CADM2: variants seen among roughly 807,000 people sequenced by gnomAD.
CADM2 encodes the protein immunoglobulin superfamily member 4D.
In CADM2, 12 loss-of-function variants were observed where a neutral mutation model predicts 49.8. The observed-to-expected ratio is 0.24, with a 90% CI of 0.15 to 0.39. The LOEUF (loss-of-function observed/expected upper bound fraction) is 0.39, where lower values mean the gene tolerates loss of function less well. Among genes scored for constraint, CADM2 ranks in the 10% least tolerant of loss-of-function variants. CADM2 has a pLI of 1.00. For missense variants in CADM2, 378 were observed against 492.3 expected, an observed-to-expected ratio of 0.77 and a Z score of 2.20; for synonymous variants, 214 against 175.4, an observed-to-expected ratio of 1.22 and a Z score of -1.74.
intron 1 of CADM2, among the ~76,000 whole-genome samples, chr3:85,622,171 C>G (rs2063997382): frequency 1.3e-5 from 2 of 152,104 alleles, no homozygotes; most frequent in South Asian, 4.2e-4. Context: ...TCACCACCAC[C>G]ATAAATGGTG....
intron 1 of CADM2, among the ~76,000 whole-genome samples, chr3:85,283,286 T>C (rs1312900416): frequency 2.0e-5 from 3 of 151,886 alleles, no homozygotes; most frequent in Non-Finnish European, 4.4e-5. Flanking sequence ...TCATGTTTAT[T>C]AATATTGGTA....
At chr3:85,060,365 G>A (rs2036260021) in intron 1 of CADM2, among the ~76,000 whole-genome samples, 1 of 151,942 alleles carries the variant, frequency 6.6e-6, no homozygotes, top group Admixed American at 6.6e-5. Flanking sequence ...GACCTCAGGT[G>A]ATCCACCCGC....
At chr3:85,470,096 T>C (rs976428733) in intron 1 of CADM2, among the ~76,000 whole-genome samples, 1 of 152,186 alleles carries the variant, frequency 6.6e-6, no homozygotes, top group Non-Finnish European at 1.5e-5. Context: ...TTGATTTACC[T>C]TCAGGTGTCC....
At chr3:85,199,359 G>A (rs2041426012) in intron 1 of CADM2, among the ~76,000 whole-genome samples, 1 of 148,452 alleles carries the variant, frequency 6.7e-6, no homozygotes, top group African/African-American at 2.6e-5. Flanking sequence ...GTGTGTGTGT[G>A]TGTGTGTGTA....
intron 1 of CADM2, among the ~76,000 whole-genome samples, chr3:85,443,665 C>G (rs1219009302): frequency 1.3e-5 from 2 of 152,188 alleles, no homozygotes; most frequent in Non-Finnish European, 2.9e-5. Flanking sequence ...CAACCTACCT[C>G]CATGTCTTGA....
chr3:86,014,006 T>C, intron 8 of CADM2: 1 of 1,419,522 alleles, frequency 7.0e-7, no homozygotes, highest in Admixed American at 2.2e-5. Context: ...AAGTTTGTTC[T>C]TTTTTCCCTT....
intron 1 of CADM2, among the ~76,000 whole-genome samples, chr3:85,718,331 G>A (rs913101861): frequency 1.3e-5 from 2 of 152,128 alleles, no homozygotes; most frequent in African/African-American, 2.4e-5. Flanking sequence ...GATTGCCCGT[G>A]TACTTTAGTT....
chr3:85,162,783 A>G (rs947468997), intron 1 of CADM2, among the ~76,000 whole-genome samples: 1 of 152,002 alleles, frequency 6.6e-6, no homozygotes, highest in South Asian at 2.1e-4. Flanking sequence ...CAACAGAAAT[A>G]TTTTCTACAA....
intron 8 of CADM2, among the ~76,000 whole-genome samples, chr3:86,056,531 T>C (rs1738012409): frequency 6.6e-6 from 1 of 152,170 alleles, no homozygotes; most frequent in South Asian, 2.1e-4. Flanking sequence ...TGTGAAATAA[T>C]TAGGATGTCT....
rs989866252 is a variant in CADM2 at position 85,641,647 on chromosome 3, C to A, written c.62-84875C>A. Among the ~76,000 whole-genome samples the A allele has an allele frequency of 4.6e-5, 7 of 151,950 alleles. 1 individual carries two copies. The highest frequency in any genetic ancestry group is 2.0e-4 in the Admixed American group (3 of 15,264). On this transcript the variant is annotated intron_variant, in intron 1 of 9. Transcript: ENST00000383699. The stretch of plus-strand genomic sequence containing the variant: ...AGGTTAGAATGTAGGCATGAATGGG[C>A]CGGGCACGGTGGCTCATGCCTGTAA...
chr3:85,737,467 A>G (rs530253468), intron 2 of CADM2, among the ~76,000 whole-genome samples: 1 of 152,302 alleles, frequency 6.6e-6, no homozygotes, highest in Non-Finnish European at 1.5e-5. Context: ...CTTGATTATC[A>G]TGCAATACAA....
At chr3:85,802,413 T>C (rs554969609) in intron 3 of CADM2, among the ~76,000 whole-genome samples, 4 of 152,284 alleles carry the variant, frequency 2.6e-5, no homozygotes, top group Admixed American at 2.6e-4. Context: ...CTCATAATTC[T>C]GTTTCGAAAA....
At chr3:85,721,175 T>A (rs2067489847) in intron 1 of CADM2, among the ~76,000 whole-genome samples, 1 of 152,200 alleles carries the variant, frequency 6.6e-6, no homozygotes, top group South Asian at 2.1e-4. Context: ...GGCAATGCCA[T>A]TATTTTAATA....
intron 1 of CADM2, among the ~76,000 whole-genome samples, chr3:85,024,653 A>T (rs1400854974): frequency 2.1e-5 from 3 of 145,078 alleles, no homozygotes; most frequent in East Asian, 3.9e-4. Flanking sequence ...GAAAGGCAGT[A>T]ATTATAGTTT....
intron 3 of CADM2, among the ~76,000 whole-genome samples, chr3:85,859,795 T>A (rs1389934443): frequency 6.6e-6 from 1 of 152,218 alleles, no homozygotes; most frequent in Non-Finnish European, 1.5e-5. Context: ...TCAGTCTTTA[T>A]GTTGTTCTCA....
chr3:85,883,152 T>C (rs375121253), intron 3 of CADM2, 139 bp from the exon 4 acceptor site: 3 of 666,612 alleles, frequency 4.5e-6, no homozygotes, highest in Non-Finnish European at 7.0e-6. Context: ...TTAAACTTTC[T>C]TTTAAACTGT....
intron 1 of CADM2, among the ~76,000 whole-genome samples, chr3:85,695,480 G>A (rs1347411013): frequency 6.6e-6 from 1 of 151,812 alleles, no homozygotes; most frequent in Non-Finnish European, 1.5e-5. Context: ...TGTTCACTTA[G>A]GATAATGGCC....
In CADM2 at chr3:85,444,359, T is replaced by G. The variant is rs972386666; in HGVS notation, c.62-282163T>G. ...TGAAAATAAAATCTAATAAAAATAT[T>G]AAAACTGGATTTATAAGTTGTCCAA... On this transcript the variant is annotated intron_variant, in intron 1 of 9. Transcript: ENST00000383699. 2.0e-5 allele frequency among the ~76,000 whole-genome samples: 3 copies of G among 151,874 alleles called. No homozygotes were observed. The Admixed American group carries it at 2.0e-4, about 10-fold the overall frequency.
chr3:85,111,452 T>C (rs1457714809), intron 1 of CADM2, among the ~76,000 whole-genome samples: 1 of 151,910 alleles, frequency 6.6e-6, no homozygotes, highest in African/African-American at 2.4e-5. Flanking sequence ...TTAAGTATTT[T>C]GATGAAAATA....
Sources: allele counts gnomAD v4.1 joint callset (sites outside exome capture counted in the v4.1 genomes callset), GRCh38; gene constraint gnomAD v4.1.1; transcripts MANE v1.5; gene names NCBI Gene and HGNC (gene_info 2026-07-23, HGNC 2026-07-21).